RAB3B: variants seen among roughly 807,000 people sequenced by gnomAD.
The protein encoded by RAB3B is ras-related protein Rab-3B.
A neutral mutation model predicts 20.5 loss-of-function variants in RAB3B; 11 were observed. The observed-to-expected ratio is 0.54, with a 90% CI of 0.34 to 0.89. RAB3B has a LOEUF of 0.89. Ranked by LOEUF, RAB3B falls within the 40% of genes least tolerant of loss-of-function variation. RAB3B has a pLI of 0.02. For missense variants in RAB3B, 225 were observed against 280.9 expected, an observed-to-expected ratio of 0.80 and a Z score of 1.42; for synonymous variants, 99 against 106.3, an observed-to-expected ratio of 0.93 and a Z score of 0.42.
chr1:51,936,744 C>T (rs1328516059), intron 3 of RAB3B, among the ~76,000 whole-genome samples: 2 of 152,162 alleles, frequency 1.3e-5, no homozygotes, highest in African/African-American at 2.4e-5. Flanking sequence ...TCAGAGAGCC[C>T]TCTGCTGGGT....
In RAB3B at chr1:51,911,691, C is replaced by T. The variant is rs1241373463; in HGVS notation, c.*8236G>A. On this transcript the variant is annotated 3_prime_UTR_variant, in exon 5 of 5. Transcript: ENST00000371655. ...GCCCTCTGCCTAATGGCCTTGTTTT[C>T]GCTTACTATAGACCAGAATTTACAC... The T allele has an allele frequency of 2.6e-5, 4 of 152,154 alleles. No homozygotes were observed. Among genetic ancestry groups the T allele is most frequent in the African/African-American group, 4.8e-5 (2 of 41,434 alleles). 9.4% of individuals were successfully genotyped at this position (152,154 alleles called of 1,614,324 possible).
intron 2 of RAB3B, among the ~76,000 whole-genome samples, chr1:51,958,688 A>G (rs1684744449): frequency 6.6e-6 from 1 of 150,896 alleles, no homozygotes; most frequent in Non-Finnish European, 1.5e-5. Context: ...GCGCCATTGC[A>G]CTCCAGCCTG....
intron 4 of RAB3B, among the ~76,000 whole-genome samples, chr1:51,932,726 TAC>T (rs1684343926): frequency 6.6e-6 from 1 of 152,234 alleles, no homozygotes; most frequent in African/African-American, 2.4e-5. Context: ...ACATTCAGCA[TAC>T]AGAGTCTGCT....
chr1:51,968,636 C>T (rs1314418883), intron 2 of RAB3B, among the ~76,000 whole-genome samples: 2 of 152,224 alleles, frequency 1.3e-5, no homozygotes, highest in Non-Finnish European at 2.9e-5. Flanking sequence ...CACTCCCTTA[C>T]ATTTCAGCTA....
chr1:51,949,506 G>T (rs2124273660), intron 2 of RAB3B, among the ~76,000 whole-genome samples: 1 of 152,316 alleles, frequency 6.6e-6, no homozygotes, highest in South Asian at 2.1e-4. Flanking sequence ...CTGGAGGGAG[G>T]GGATGTGTGA....
intron 2 of RAB3B, among the ~76,000 whole-genome samples, chr1:51,959,684 C>A (rs1184854762): frequency 6.6e-6 from 1 of 151,928 alleles, no homozygotes; most frequent in African/African-American, 2.4e-5. Flanking sequence ...GATCCTGGGA[C>A]AGAAAAGGAG....
intron 2 of RAB3B, among the ~76,000 whole-genome samples, chr1:51,944,087 C>T (rs1234564601): frequency 2.0e-5 from 3 of 152,272 alleles, no homozygotes; most frequent in Non-Finnish European, 4.4e-5. Context: ...CTGACTTTCT[C>T]GTTAGGGGTT....
Position 51,913,638 on chromosome 1 carries a change from AT to A in RAB3B, c.*6288del, listed in dbSNP as rs1684039996. 1 of 151,982 alleles carries A rather than the reference AT, an allele frequency of 6.6e-6. No homozygotes were observed. The highest frequency in any genetic ancestry group is 2.1e-4 in the South Asian group (1 of 4,824). 9.4% of individuals were successfully genotyped at this position (151,982 alleles called of 1,614,324 possible). A position where few individuals can be genotyped will look rare whatever the true frequency, so the allele number is the denominator to read the frequency against. On this transcript the variant is annotated 3_prime_UTR_variant, in exon 5 of 5. Coordinates refer to ENST00000371655, the MANE Select transcript of RAB3B (RefSeq NM_002867.4). ...AGATGCCCGCCACCACACCCAGCTAATTTTTGTATTTTTAGTAGAGATGGGT... is the reference window on the plus strand; with the variant it reads ...AGATGCCCGCCACCACACCCAGCTAATTTTGTATTTTTAGTAGAGATGGGT...
rs1684752488 is a variant in RAB3B at position 51,959,178 on chromosome 1, G to T, written c.228+17712C>A. On this transcript the variant is annotated intron_variant, in intron 2 of 4. Transcript: ENST00000371655. ...TCATCAAAGGTTTCCCAGAAGAGAT[G>T]ATACTTGAACTGAGTCTTCAAAGTC... Among the ~76,000 whole-genome samples the T allele has an allele frequency of 2.0e-5, 3 of 152,146 alleles. No individual in the cohort carries two copies. In the South Asian group the frequency reaches 6.2e-4, roughly 31 times the overall value.
chr1:51,968,360 C>A (rs1684884163), intron 2 of RAB3B, among the ~76,000 whole-genome samples: 2 of 152,188 alleles, frequency 1.3e-5, no homozygotes, highest in South Asian at 2.1e-4. Context: ...ATATAATAAT[C>A]CATGACTGTA....
intron 2 of RAB3B, among the ~76,000 whole-genome samples, chr1:51,967,791 T>C (rs1571975550): frequency 1.3e-5 from 2 of 151,972 alleles, no homozygotes; most frequent in Admixed American, 6.6e-5. Flanking sequence ...GCTAGGATTA[T>C]AGGCATGAGC....
rs756906868 is a variant in RAB3B, at chr1:51,919,992, C to T, written c.595G>A (p.Gly199Ser). ...GAGAGACGCGTGTTCTTGGAGGAGCCCAGCATCGACGGGTCTGTGTCCAGC... is the reference window on the plus strand; with the variant it reads ...GAGAGACGCGTGTTCTTGGAGGAGCTCAGCATCGACGGGTCTGTGTCCAGC... Reference protein sequence around the residue: ...DSLDTDPSMLGSSKNTRLSDT... With the variant: ...DSLDTDPSMLSSSKNTRLSDT... Residue 199 changes from glycine to serine, a missense_variant, in exon 5 of 5, where the codon GGC becomes AGC. Physicochemically the swap from Gly to Ser is moderately conservative, Grantham distance 56. Coordinates refer to ENST00000371655, the MANE Select transcript of RAB3B (RefSeq NM_002867.4). The T allele has an allele frequency of 6.2e-7, 1 of 1,614,004 alleles. No individual in the cohort carries two copies. Among genetic ancestry groups the T allele is most frequent in the Non-Finnish European group, 8.5e-7 (1 of 1,180,028 alleles).
At chr1:51,988,776 T>A (rs1002043052) in intron 1 of RAB3B, among the ~76,000 whole-genome samples, 1 of 152,208 alleles carries the variant, frequency 6.6e-6, no homozygotes, top group African/African-American at 2.4e-5. Context: ...GAAATCTATT[T>A]AAATATTTTG....
At chr1:51,937,590 T>C (rs1055401099) in intron 2 of RAB3B, among the ~76,000 whole-genome samples, 178 bp from the exon 3 acceptor site, 8 of 151,886 alleles carry the variant, frequency 5.3e-5, no homozygotes, top group Non-Finnish European at 1.0e-4. Flanking sequence ...CTCTGCCTCC[T>C]AGGTTCAAGT....
rs569675140 is a variant in RAB3B at position 51,976,713 on chromosome 1, G to A, written c.228+177C>T. Among the ~76,000 whole-genome samples the A allele has an allele frequency of 1.6e-4, 24 of 152,308 alleles. No homozygotes were observed. The South Asian group carries it at 5.0e-3, about 32-fold the overall frequency. On this transcript the variant is annotated intron_variant, in intron 2 of 4. Transcript: ENST00000371655. ...AACAGCAGAAGCAACTGAACCCCTG[G>A]AGGAGAGCAAACTTGTATAAAACTA...
chr1:51,933,927 C>G (rs1684361683), intron 3 of RAB3B, among the ~76,000 whole-genome samples: 1 of 152,176 alleles, frequency 6.6e-6, no homozygotes. Context: ...TGAGGACAGA[C>G]AGATACCTGT....
intron 4 of RAB3B, among the ~76,000 whole-genome samples, chr1:51,926,574 T>A (rs1231435117): frequency 6.6e-6 from 1 of 152,170 alleles, no homozygotes; most frequent in Non-Finnish European, 1.5e-5. Flanking sequence ...GTAGCTGGTA[T>A]GTAATGAGTG....
At position 51,918,149 on chromosome 1, in the gene RAB3B, G is replaced by A. The variant is rs1557960130; in HGVS notation, c.*1778C>T. The stretch of plus-strand genomic sequence containing the variant: ...TTTTCCTCAGGTATTTAATTAAGGG[G>A]CTTCCACCAGAAGTGGTTTCCCACA... On this transcript the variant is annotated 3_prime_UTR_variant, in exon 5 of 5. Transcript: ENST00000371655. 1 of 152,150 alleles carries A rather than the reference G, an allele frequency of 6.6e-6. No individual in the cohort carries two copies. Among genetic ancestry groups the A allele is most frequent in the South Asian group, 2.1e-4 (1 of 4,828 alleles). The allele number at this position is 152,150 out of a possible 1,614,324, so 9.4% of individuals were successfully genotyped here.
intron 2 of RAB3B, among the ~76,000 whole-genome samples, chr1:51,956,730 G>A (rs1684711426): frequency 6.6e-6 from 1 of 152,114 alleles, no homozygotes; most frequent in African/African-American, 2.4e-5. Flanking sequence ...TGTATGACTC[G>A]CATTTCCTCC....
Sources: gnomAD v4.1 joint callset for allele counts (sites outside exome capture counted in the v4.1 genomes callset) on GRCh38, gnomAD v4.1.1 for gene constraint, MANE v1.5 for transcripts, NCBI Gene and HGNC (gene_info 2026-07-23, HGNC 2026-07-21) for gene names.